Variants in GPHN observed in about 807,000 individuals in gnomAD.
GPHN encodes the protein gephyrin.
GPHN carries 17 observed loss-of-function variants against 95.5 expected under a neutral mutation model. The ratio of observed to expected loss-of-function variants is 0.18; its 90% CI spans 0.12 to 0.27. The LOEUF (loss-of-function observed/expected upper bound fraction) is 0.27, where lower values mean the gene tolerates loss of function less well. GPHN is among the 10% of genes least tolerant of loss of function. The pLI is 1.00. For missense variants in GPHN, 660 were observed against 978.1 expected, an observed-to-expected ratio of 0.67 and a Z score of 4.34; for synonymous variants, 320 against 322.5, an observed-to-expected ratio of 0.99 and a Z score of 0.08.
intron 5 of GPHN, among the ~76,000 whole-genome samples, chr14:66,889,794 T>A (rs2064377951): frequency 1.3e-5 from 2 of 148,964 alleles, no homozygotes; most frequent in African/African-American, 5.0e-5. Context: ...AACTAGAAAA[T>A]CAAAAAACAA....
the GPHN span, among the ~76,000 whole-genome samples, chr14:67,195,042 G>C: frequency 1.3e-5 from 2 of 152,296 alleles, no homozygotes; most frequent in African/African-American, 4.8e-5. Flanking sequence ...GATGTTGGTG[G>C]GGTGAGGGGT....
the GPHN span, among the ~76,000 whole-genome samples, chr14:67,408,384 A>T: frequency 1.3e-5 from 2 of 151,856 alleles, no homozygotes; most frequent in African/African-American, 2.4e-5. Context: ...ATGGGATGAT[A>T]CTTGCTATGG....
At position 66,717,691 on chromosome 14, in the gene GPHN, A is replaced by G. The variant is rs564877885; in HGVS notation, c.143+36506A>G. 2.0e-5 allele frequency among the ~76,000 whole-genome samples: 3 copies of G among 152,284 alleles called. No homozygotes were observed. The East Asian group carries it at 5.8e-4, about 29-fold the overall frequency. ...CTGTTATTCAGATTCTTTGGCCCAC[A>G]GGGGTTTCCCTTGATATAGTACTCT... is the stretch of plus-strand genomic sequence containing the variant. On this transcript the variant is annotated intron_variant, in intron 2 of 22. Coordinates refer to ENST00000478722, the MANE Select transcript of GPHN (RefSeq NM_020806.5).
the GPHN span, among the ~76,000 whole-genome samples, chr14:67,689,773 G>A: frequency 6.6e-6 from 1 of 152,058 alleles, no homozygotes; most frequent in African/African-American, 2.4e-5. Context: ...GTGAAATCCT[G>A]TCTCTACTAA....
chr14:66,875,325 G>A (rs975302806), intron 4 of GPHN, among the ~76,000 whole-genome samples: 3 of 151,494 alleles, frequency 2.0e-5, no homozygotes, highest in Non-Finnish European at 2.9e-5. Context: ...AAAGACCATC[G>A]ACACTGTGAA....
the GPHN span, chr14:67,360,342 G>A: frequency 2.5e-6 from 1 of 397,604 alleles, no homozygotes; most frequent in African/African-American, 2.1e-5. Context: ...GCGGTGGAGT[G>A]AGCGAAGCGC....
the GPHN span, among the ~76,000 whole-genome samples, chr14:67,239,650 G>A: frequency 6.6e-6 from 1 of 152,222 alleles, no homozygotes; most frequent in African/African-American, 2.4e-5. Flanking sequence ...GAGGTCAGGT[G>A]TTCAAGACCA....
chr14:66,618,524 A>G (rs1263235620), intron 1 of GPHN, among the ~76,000 whole-genome samples: 1 of 152,088 alleles, frequency 6.6e-6, no homozygotes, highest in African/African-American at 2.4e-5. Context: ...TCCTTTCTGT[A>G]TATTGCTGTA....
At chr14:67,559,638 G>A in the GPHN span, 1 of 1,604,938 alleles carries the variant, frequency 6.2e-7, no homozygotes, top group Non-Finnish European at 8.5e-7. Context: ...AGCAAAAACT[G>A]TTCAAGAAAA....
At chr14:67,356,655 T>C in the GPHN span, among the ~76,000 whole-genome samples, 1 of 152,166 alleles carries the variant, frequency 6.6e-6, no homozygotes, top group African/African-American at 2.4e-5. Context: ...AACCAGACTT[T>C]TGATTCCACT....
At chr14:66,986,628 G>T (rs1041915914) in intron 9 of GPHN, among the ~76,000 whole-genome samples, 1 of 152,000 alleles carries the variant, frequency 6.6e-6, no homozygotes, top group Non-Finnish European at 1.5e-5. Flanking sequence ...ATATGCAGAA[G>T]AATTACCTCA....
chr14:67,506,674 C>A, the GPHN span, among the ~76,000 whole-genome samples: 1 of 152,140 alleles, frequency 6.6e-6, no homozygotes, highest in Non-Finnish European at 1.5e-5. Context: ...ATGAAAGAAT[C>A]CAAGGGTCCT....
the GPHN span, chr14:67,338,641 C>T: frequency 1.1e-5 from 17 of 1,614,036 alleles, no homozygotes; most frequent in Non-Finnish European, 1.0e-5. Context: ...AGAAGATCCT[C>T]GTCCTTCTCT....
At chr14:67,487,546 G>A in the GPHN span, among the ~76,000 whole-genome samples, 5 of 152,216 alleles carry the variant, frequency 3.3e-5, no homozygotes, top group East Asian at 3.9e-4. Context: ...TCTCAAGGGC[G>A]GTCAGAACCT....
chr14:67,330,647 G>A, the GPHN span, among the ~76,000 whole-genome samples: 1 of 151,930 alleles, frequency 6.6e-6, no homozygotes, highest in African/African-American at 2.4e-5. Flanking sequence ...TAGTAGAGAT[G>A]GGGTTTCTCC....
rs144173967 is a variant in GPHN, at chr14:66,947,383, T to C, written c.829-17808T>C. Among the ~76,000 whole-genome samples the C allele has an allele frequency of 9.9e-3, 1,513 of 152,312 alleles. 11 individuals carry two copies. Among genetic ancestry groups the C allele is most frequent in the Admixed American group, 0.017 (258 of 15,304 alleles). The stretch of plus-strand genomic sequence containing the variant: ...TTGTTATTTTCCTTTATAGCACTTA[T>C]AGTTACAATTATATACTTATTCATG... On this transcript the variant is annotated intron_variant, in intron 8 of 22. Coordinates refer to ENST00000478722, the MANE Select transcript of GPHN (RefSeq NM_020806.5).
intron 4 of GPHN, among the ~76,000 whole-genome samples, chr14:66,866,215 T>C (rs1230707942): frequency 2.0e-5 from 3 of 152,160 alleles, no homozygotes; most frequent in Non-Finnish European, 4.4e-5. Flanking sequence ...CCTGAACTTT[T>C]TTCCTCCATA....
At chr14:67,206,823 C>T in the GPHN span, among the ~76,000 whole-genome samples, 1 of 149,628 alleles carries the variant, frequency 6.7e-6, no homozygotes, top group Non-Finnish European at 1.5e-5. Flanking sequence ...CTCCACCTCT[C>T]AGGTTCAAGC....
the GPHN span, among the ~76,000 whole-genome samples, chr14:67,382,908 CGT>C: frequency 9.9e-3 from 1,429 of 143,916 alleles, 8 homozygotes; most frequent in South Asian, 0.026. Context: ...TGCGTGCGTG[CGT>C]GTGTGTGTGT....
Sources: allele counts gnomAD v4.1 joint callset (sites outside exome capture counted in the v4.1 genomes callset), GRCh38; gene constraint gnomAD v4.1.1; transcripts MANE v1.5; gene names NCBI Gene and HGNC (gene_info 2026-07-23, HGNC 2026-07-21).